Variants in PGR observed in about 807,000 individuals in gnomAD.
PGR encodes the protein progesterone receptor, also known as nuclear receptor subfamily 3 group C member 3.
PGR carries 25 observed loss-of-function variants against 76.1 expected under a neutral mutation model. That is an observed-to-expected ratio of 0.33 (90% CI 0.24 to 0.46). PGR has a LOEUF of 0.46. PGR is among the 20% of genes least tolerant of loss of function. The pLI is 1.00. For synonymous variants in PGR, 579 were observed against 535.0 expected, an observed-to-expected ratio of 1.08 and a Z score of -1.14; for missense variants, 1,172 against 1,225.3, an observed-to-expected ratio of 0.96 and a Z score of 0.65.
chr11:101,073,167 A>C (rs1221952198), intron 3 of PGR, among the ~76,000 whole-genome samples: 19 of 152,214 alleles, frequency 1.2e-4, no homozygotes, highest in Admixed American at 1.2e-3. Flanking sequence ...AGGATTAAGA[A>C]ACTCACTCAA....
Position 101,039,264 on chromosome 11 carries a change from T to C in PGR, c.2654A>G (p.Lys885Arg), listed in dbSNP as rs998625098. ...ATTCAAGCAGTACAGATGAAGTTGTTTGACAAGCTGTTGGTTTAACAAATG... is the reference window on the plus strand; with the variant it reads ...ATTCAAGCAGTACAGATGAAGTTGTCTGACAAGCTGTTGGTTTAACAAATG... ...KLLDNLHDLV[K>R]QLHLYCLNTF... The change falls in exon 8 of 8, where the codon AAA becomes AGA. Residue 885 changes from lysine to arginine, a missense_variant. By Grantham distance (26) the Lys-to-Arg change is conservative. This residue lies in a region of PGR where 166 missense variants were observed against 296.0 expected (regional missense o/e 0.56). Transcript: ENST00000325455. The C allele has an allele frequency of 6.2e-7, 1 of 1,609,362 alleles. No homozygotes were observed. The highest frequency in any genetic ancestry group is 8.5e-7 in the Non-Finnish European group (1 of 1,176,300).
chr11:101,055,460 G>A (rs1490179932), intron 4 of PGR, among the ~76,000 whole-genome samples: 1 of 140,732 alleles, frequency 7.1e-6, no homozygotes, highest in Non-Finnish European at 1.5e-5. Flanking sequence ...TAGAAAGTTC[G>A]TTTTCATTAA....
intron 7 of PGR, 66 bp from the exon 8 acceptor site, chr11:101,039,337 A>T (rs763059254): frequency 8.5e-7 from 1 of 1,175,680 alleles, no homozygotes; most frequent in Non-Finnish European, 1.3e-6. Flanking sequence ...CTATTCAAAC[A>T]TGGCAATTTA....
intron 6 of PGR, among the ~76,000 whole-genome samples, chr11:101,044,218 C>T (rs1395154897): frequency 6.6e-6 from 1 of 152,210 alleles, no homozygotes; most frequent in African/African-American, 2.4e-5. Flanking sequence ...TAACTTGCTG[C>T]AGCTTCTGCA....
intron 2 of PGR, among the ~76,000 whole-genome samples, chr11:101,123,895 G>A (rs374700872): frequency 6.6e-5 from 10 of 152,286 alleles, no homozygotes; most frequent in African/African-American, 2.2e-4. Context: ...AAGTAGAAAT[G>A]TCAATGGAAA....
chr11:101,123,382 G>T (rs954279055), intron 2 of PGR, among the ~76,000 whole-genome samples: 1 of 151,988 alleles, frequency 6.6e-6, no homozygotes, highest in African/African-American at 2.4e-5. Context: ...AGCTCATCAC[G>T]CAGCATTGCT....
rs11571149 is a variant in PGR, at chr11:101,127,937, G to T, written c.1134C>A (p.Ser378Arg). 2 of 1,611,768 alleles carry T rather than the reference G, an allele frequency of 1.2e-6. No homozygotes were observed. Among genetic ancestry groups the T allele is most frequent in the Non-Finnish European group, 1.7e-6 (2 of 1,179,780 alleles). The stretch of plus-strand genomic sequence containing the variant: ...TCTTTAGAGCGGGCGGCTGGAAGTC[G>T]CTATAGAGAGGGTACGCGTCGTCCT... ...EPKDDAYPLY[S>R]DFQPPALKIK... is the part of the protein sequence containing the mutation. Residue 378 changes from serine to arginine, a missense_variant, in exon 1 of 8, where the codon AGC (serine) becomes AGA (arginine). By Grantham distance (110) the Ser-to-Arg change is moderately radical. This residue lies in a region of PGR where 893 missense variants were observed against 785.9 expected (regional missense o/e 1.14). Transcript: ENST00000325455.
chr11:101,108,813 G>A (rs764727592), intron 2 of PGR, among the ~76,000 whole-genome samples: 1 of 152,218 alleles, frequency 6.6e-6, no homozygotes, highest in East Asian at 1.9e-4. Flanking sequence ...ATCTTATTGC[G>A]CTTTGCTTAA....
In PGR at chr11:101,084,611, T is replaced by C. The variant is rs1409993609; in HGVS notation, c.1906+7149A>G. Among the ~76,000 whole-genome samples, 12 of 88,124 alleles carry C rather than the reference T, an allele frequency of 1.4e-4. No individual in the cohort carries two copies. The Admixed American group carries it at 1.4e-3, about 10-fold the overall frequency. 57.8% of individuals were successfully genotyped at this position (88,124 alleles called of 152,430 possible). ...AGGTGGAGGTTGCAGTGAGCTGAGA[T>C]TGCGCCACTGCACTCCAGCCTGGGC... On this transcript the variant is annotated intron_variant, in intron 3 of 7. Transcript: ENST00000325455.
intron 2 of PGR, among the ~76,000 whole-genome samples, chr11:101,092,374 G>C (rs1861702000): frequency 6.6e-6 from 1 of 152,116 alleles, no homozygotes; most frequent in Admixed American, 6.5e-5. Flanking sequence ...CCCAGAGCTG[G>C]TTCTCTCTTT....
chr11:101,060,362 A>G (rs891713332), intron 4 of PGR, among the ~76,000 whole-genome samples: 43 of 152,206 alleles, frequency 2.8e-4, no homozygotes, highest in African/African-American at 9.4e-4. Context: ...ACCAGATGCT[A>G]GCATGTGCTG....
chr11:101,053,705 T>C (rs1860186938), intron 4 of PGR, among the ~76,000 whole-genome samples: 1 of 143,774 alleles, frequency 7.0e-6, no homozygotes. Flanking sequence ...ACTCCCTTCC[T>C]CCCTCCCTCC....
At chr11:101,051,385 A>T (rs373070177) in intron 5 of PGR, 39 bp downstream of exon 5, 77 of 1,370,592 alleles carry the variant, frequency 5.6e-5, no homozygotes, top group Non-Finnish European at 7.8e-5. Context: ...TCCTACATGT[A>T]CACTTAAAAT....
At position 101,032,614 on chromosome 11, in the gene PGR, C is replaced by T. The variant is rs11224560; in HGVS notation, c.*6502G>A. Reference sequence around the variant, plus strand: ...TCTTGCCTTTGGCATCTCCTCACCACGCACGTTCTGCTAATTCCTAAACTG... The same window carrying T: ...TCTTGCCTTTGGCATCTCCTCACCATGCACGTTCTGCTAATTCCTAAACTG... On this transcript the variant is annotated 3_prime_UTR_variant, in exon 8 of 8. Transcript: ENST00000325455. 42,190 of 226,652 alleles carry T rather than the reference C, an allele frequency of 0.19. 6,900 individuals carry two copies. Among genetic ancestry groups the T allele is most frequent in the East Asian group, 0.74 (11,712 of 15,836 alleles). The allele number at this position is 226,652 out of a possible 1,614,324, so 14.0% of individuals were successfully genotyped here.
intron 6 of PGR, among the ~76,000 whole-genome samples, chr11:101,044,071 T>C (rs146696497): frequency 5.9e-5 from 9 of 152,346 alleles, no homozygotes; most frequent in East Asian, 1.9e-4. Context: ...AAGACAGACA[T>C]TGACTTGTTC....
intron 4 of PGR, among the ~76,000 whole-genome samples, chr11:101,052,428 A>C (rs894156348): frequency 6.6e-6 from 1 of 151,896 alleles, no homozygotes; most frequent in African/African-American, 2.4e-5. Context: ...TCTTGACTTA[A>C]TCATCACAAG....
chr11:101,081,957 T>C (rs879926995), intron 3 of PGR, among the ~76,000 whole-genome samples: 1 of 152,220 alleles, frequency 6.6e-6, no homozygotes, highest in Non-Finnish European at 1.5e-5. Flanking sequence ...GGTTTGGTTC[T>C]GTGTCCTCAC....
At chr11:101,081,621 G>A (rs1263156192) in intron 3 of PGR, among the ~76,000 whole-genome samples, 1 of 152,114 alleles carries the variant, frequency 6.6e-6, no homozygotes, top group African/African-American at 2.4e-5. Context: ...GTTCTTAAAA[G>A]AAATTTCAAC....
At chr11:101,074,676 A>G (rs1011168866) in intron 3 of PGR, among the ~76,000 whole-genome samples, 2 of 152,180 alleles carry the variant, frequency 1.3e-5, no homozygotes, top group Admixed American at 6.5e-5. Context: ...ATTCCTATAC[A>G]CCAATAATAG....
Sources: allele counts gnomAD v4.1 joint callset (sites outside exome capture counted in the v4.1 genomes callset), GRCh38; gene constraint gnomAD v4.1.1; regional missense constraint gnomAD v4.1.1; transcripts MANE v1.5; gene names NCBI Gene and HGNC (gene_info 2026-07-23, HGNC 2026-07-21).